The following NCOA7 variants were observed in gnomAD, a reference collection of about 807,000 sequenced individuals.
NCOA7 encodes the protein 140 kDa estrogen receptor-associated protein.
NCOA7 carries 45 observed loss-of-function variants against 104.3 expected under a neutral mutation model. The observed-to-expected ratio is 0.43, with a 90% CI of 0.34 to 0.55. The LOEUF is 0.55. NCOA7 is among the 20% of genes least tolerant of loss of function. NCOA7 has a pLI of 0.02. For synonymous variants in NCOA7, 398 were observed against 402.3 expected (o/e 0.99, Z 0.13); for missense variants, 1,041 against 1,119.7 (o/e 0.93, Z 1.00).
At chr6:125,907,873 C>G (rs1388465729) in intron 10 of NCOA7, among the ~76,000 whole-genome samples, 1 of 152,156 alleles carries the variant, frequency 6.6e-6, no homozygotes, top group Non-Finnish European at 1.5e-5. Context: ...GTATATTTTA[C>G]CAGCATTGGT....
At chr6:125,846,402 T>A (rs576606571) in intron 2 of NCOA7, among the ~76,000 whole-genome samples, 3 of 151,996 alleles carry the variant, frequency 2.0e-5, no homozygotes, top group African/African-American at 7.2e-5. Context: ...TTTAACACAT[T>A]TCCTACTCTT....
At chr6:125,871,430 A>G (rs1009027693) in intron 3 of NCOA7, among the ~76,000 whole-genome samples, 4 of 152,220 alleles carry the variant, frequency 2.6e-5, no homozygotes, top group Non-Finnish European at 5.9e-5. Flanking sequence ...TCACTCATTG[A>G]GACACATAGT....
Position 125,889,896 on chromosome 6 carries a change from G to C in NCOA7, c.1842G>C (p.Leu614=). ...EALDSSLEST[L]DNSCQGAQMD... ...TAGACTCCTCTTTGGAATCTACTCTGGACAACAGCTGTCAAGGTGCACAAA... is the reference window on the plus strand; with the variant it reads ...TAGACTCCTCTTTGGAATCTACTCTCGACAACAGCTGTCAAGGTGCACAAA... Residue 614 remains leucine (L), a synonymous_variant, in exon 9 of 16, where the codon CTG becomes CTC. Coordinates refer to ENST00000392477, the MANE Select transcript of NCOA7 (RefSeq NM_181782.5). 1 of 1,606,264 alleles carries C rather than the reference G, an allele frequency of 6.2e-7. No homozygotes were observed. Among genetic ancestry groups the C allele is most frequent in the East Asian group, 2.2e-5 (1 of 44,816 alleles).
chr6:125,875,276 A>G (rs890062484), intron 4 of NCOA7: 1 of 259,540 alleles, frequency 3.9e-6, no homozygotes, highest in Middle Eastern at 1.4e-3. Context: ...CCACCACTCC[A>G]TGTGCATCCC....
chr6:125,859,149 G>A (rs1781838006), intron 3 of NCOA7, among the ~76,000 whole-genome samples: 1 of 152,116 alleles, frequency 6.6e-6, no homozygotes, highest in Non-Finnish European at 1.5e-5. Flanking sequence ...AAGGCAGGCT[G>A]TGCTGGTCTG....
chr6:125,808,189 A>G (rs903071652), intron 1 of NCOA7, among the ~76,000 whole-genome samples: 1 of 151,656 alleles, frequency 6.6e-6, no homozygotes, highest in Non-Finnish European at 1.5e-5. Context: ...AGTGGCTTGC[A>G]CATCCTCATT....
At chr6:125,878,686 T>C (rs189854729) in intron 5 of NCOA7, among the ~76,000 whole-genome samples, 2 of 152,264 alleles carry the variant, frequency 1.3e-5, no homozygotes, top group Admixed American at 6.5e-5. Flanking sequence ...AACTTTACGA[T>C]ATTTTCATAT....
chr6:125,871,868 G>A (rs1782946915), intron 3 of NCOA7, among the ~76,000 whole-genome samples: 1 of 152,062 alleles, frequency 6.6e-6, no homozygotes, highest in Non-Finnish European at 1.5e-5. Context: ...GTGGTGGCAT[G>A]AGCCCGTAGT....
chr6:125,891,559 C>T (rs113710224), intron 10 of NCOA7, among the ~76,000 whole-genome samples: 9 of 152,180 alleles, frequency 5.9e-5, no homozygotes, highest in Middle Eastern at 3.4e-3. Context: ...TGCATCTTGC[C>T]CCTTAAAAAC....
At chr6:125,842,440 G>A (rs185715518) in intron 2 of NCOA7, among the ~76,000 whole-genome samples, 2 of 152,248 alleles carry the variant, frequency 1.3e-5, no homozygotes, top group Admixed American at 6.5e-5. Flanking sequence ...CAAAATATAT[G>A]TGTCACGAAA....
At position 125,781,677 on chromosome 6, in the gene NCOA7, A is replaced by G. The variant is rs571896264; in HGVS notation, c.-142+306A>G. Among the ~76,000 whole-genome samples, 11 of 152,334 alleles carry G rather than the reference A, an allele frequency of 7.2e-5. No homozygotes were observed. The East Asian group carries it at 2.1e-3, about 29-fold the overall frequency. On this transcript the variant is annotated intron_variant, in intron 1 of 16. Transcript: ENST00000368357. ...CATCTGGTTTTGAATAAAAAGATTA[A>G]GCAGATATTAGTTTAAATTTGTATA...
intron 2 of NCOA7, among the ~76,000 whole-genome samples, chr6:125,827,144 C>A (rs1056720078): frequency 1.4e-5 from 2 of 140,514 alleles, no homozygotes; most frequent in Non-Finnish European, 3.0e-5. Context: ...CTGAGACCTG[C>A]GCCATTGCAA....
At chr6:125,925,380 G>A (rs1203485145) in intron 13 of NCOA7, among the ~76,000 whole-genome samples, 12 of 152,212 alleles carry the variant, frequency 7.9e-5, no homozygotes, top group Admixed American at 7.9e-4. Flanking sequence ...GCTATGGAGA[G>A]CCTTTCTGGA....
At chr6:125,820,545 T>C (rs1035453062) in intron 2 of NCOA7, among the ~76,000 whole-genome samples, 6 of 152,226 alleles carry the variant, frequency 3.9e-5, no homozygotes, top group South Asian at 2.1e-4. Context: ...GCTTTCTCTG[T>C]TGTGTGAATA....
At chr6:125,824,915 C>T (rs1369075921) in intron 2 of NCOA7, among the ~76,000 whole-genome samples, 2 of 152,094 alleles carry the variant, frequency 1.3e-5, no homozygotes, top group African/African-American at 2.4e-5. Context: ...CCTGCCACCA[C>T]ACCCAGCTAA....
chr6:125,910,363 AAT>A (rs1786417946), intron 10 of NCOA7, among the ~76,000 whole-genome samples: 1 of 152,182 alleles, frequency 6.6e-6, no homozygotes, highest in South Asian at 2.1e-4. Flanking sequence ...CTATGCACAT[AAT>A]ATATATTTCC....
intron 3 of NCOA7, among the ~76,000 whole-genome samples, chr6:125,872,399 G>A (rs1783006043): frequency 6.6e-6 from 1 of 152,220 alleles, no homozygotes; most frequent in South Asian, 2.1e-4. Context: ...GAAGAAGGAA[G>A]CATATTGTGG....
intron 10 of NCOA7, among the ~76,000 whole-genome samples, chr6:125,899,304 A>G (rs1785295213): frequency 6.6e-6 from 1 of 152,208 alleles, no homozygotes; most frequent in African/African-American, 2.4e-5. Flanking sequence ...ATCTTTAACC[A>G]TAGTTAATGT....
At chr6:125,872,891 A>G (rs530540647) in intron 3 of NCOA7, among the ~76,000 whole-genome samples, 4 of 152,294 alleles carry the variant, frequency 2.6e-5, no homozygotes, top group South Asian at 4.1e-4. Context: ...TATAGTCTAG[A>G]GGAATGTTCA....
Sources: allele counts gnomAD v4.1 joint callset (sites outside exome capture counted in the v4.1 genomes callset), GRCh38; gene constraint gnomAD v4.1.1; transcripts MANE v1.5; gene names NCBI Gene and HGNC (gene_info 2026-07-23, HGNC 2026-07-21).